GTF2IRD2B: variants seen among roughly 807,000 people sequenced by gnomAD.
GTF2IRD2B encodes general transcription factor II-I repeat domain-containing protein 2B.
Under a neutral mutation model 55.6 loss-of-function variants are expected in GTF2IRD2B, and 10 were observed. The observed-to-expected ratio is 0.18, with a 90% CI of 0.11 to 0.31. GTF2IRD2B has a LOEUF of 0.31. GTF2IRD2B is among the 10% of genes least tolerant of loss of function. The probability of loss-of-function intolerance (pLI) is 1.00; values close to 1 mark genes in which losing one functional copy is unlikely to be tolerated. For synonymous variants in GTF2IRD2B, 107 were observed against 320.5 expected (o/e 0.33, Z 7.12); for missense variants, 206 against 802.7 (o/e 0.26, Z 8.98).
At chr7:75,092,813 G>T (rs1807289398) in intron 1 of GTF2IRD2B, 48 bp downstream of exon 1, 1 of 153,440 alleles carries the variant, frequency 6.5e-6, no homozygotes, top group African/African-American at 2.4e-5. Context: ...CGCCATTAAG[G>T]GCGGGTTGCC....
At chr7:75,112,563 T>C (rs1171265727) in intron 3 of GTF2IRD2B, 28 bp downstream of exon 3, 1 of 985,996 alleles carries the variant, frequency 1.0e-6, no homozygotes, top group Non-Finnish European at 1.5e-6. Context: ...ATCCTTTGTA[T>C]TCCCAATCTC....
At chr7:75,112,715 T>G in intron 3 of GTF2IRD2B, 180 bp downstream of exon 3, 1 of 1,480,384 alleles carries the variant, frequency 6.8e-7, no homozygotes, top group Non-Finnish European at 9.2e-7. Context: ...AGACAAATGG[T>G]CATTTTATTT....
chr7:75,093,180 CT>C (rs1285684449), intron 1 of GTF2IRD2B, among the ~76,000 whole-genome samples: 6 of 150,898 alleles, frequency 4.0e-5, no homozygotes, highest in African/African-American at 1.5e-4. Flanking sequence ...GATCCGCCCC[CT>C]GACGTCACGC....
rs1563102494 is a variant in GTF2IRD2B at position 75,148,811 on chromosome 7, A to G, written c.2364A>G (p.Leu788=). The change falls in exon 16 of 16, where the codon CTA becomes CTG. Residue 788 remains leucine, a synonymous_variant. Coordinates refer to ENST00000472837, the MANE Select transcript of GTF2IRD2B (RefSeq NM_001003795.3). ...TQMYDLIRAF[L]AKLCLWETHL... ...TGTATGACCTGATCCGGGCGTTCCT[A>G]GCAAAACTGTGCCTCTGGGAGACTC... The G allele has an allele frequency of 6.3e-7, 1 of 1,584,340 alleles. No individual in the cohort carries two copies. Among genetic ancestry groups the G allele is most frequent in the Non-Finnish European group, 8.7e-7 (1 of 1,153,172 alleles).
rs1554532749 is a variant in GTF2IRD2B at position 75,148,334 on chromosome 7, C to G, written c.1887C>G (p.Asn629Lys). The change falls in exon 16 of 16, where the codon AAC becomes AAG. Residue 629 changes from asparagine (N) to lysine (K), a missense_variant. By Grantham distance (94) the Asn-to-Lys change is moderately conservative (BLOSUM62 0). Transcript: ENST00000472837. ...CCCCAGCGATGGTGGATGCCAATAA[C>G]GGGCTTGTCACAAAACTGAAGTCCA... ...TGTPAMVDANNGLVTKLKSRV... is the reference protein window; with the variant it reads ...TGTPAMVDANKGLVTKLKSRV... The G allele has an allele frequency of 2.0e-5, 32 of 1,613,434 alleles. 1 individual carries two copies. The Admixed American group carries it at 3.5e-4, about 18-fold the overall frequency.
At position 75,149,278 on chromosome 7, in the gene GTF2IRD2B, T is replaced by A; in HGVS notation, c.2831T>A (p.Val944Glu). 1.3e-6 allele frequency: 1 copy of A among 758,050 alleles called. No individual in the cohort carries two copies. Among genetic ancestry groups the A allele is most frequent in the Non-Finnish European group, 2.4e-6 (1 of 410,484 alleles). The allele number at this position is 758,050 out of a possible 1,614,324, so 47.0% of individuals were successfully genotyped here. ...SQLKDSQWDS[V>E]LHIAT The stretch of plus-strand genomic sequence containing the variant: ...TTAAAGGATTCCCAGTGGGATTCTG[T>A]ACTCCACATCGCAACGTGATGGAGA... Residue 944 changes from valine to glutamate, a missense_variant, in exon 16 of 16, where the codon GTA becomes GAA. Val to Glu is a moderately radical substitution (Grantham distance 121). Coordinates refer to ENST00000472837, the MANE Select transcript of GTF2IRD2B (RefSeq NM_001003795.3).
Position 75,139,752 on chromosome 7 carries a change from C to T in GTF2IRD2B, c.949+725C>T, listed in dbSNP as rs1554534100. ...AGTTCCTCCAGGGAAGGAAACTGAC[C>T]GCTGAGATAGGGATAGGAGAGAGAC... is the stretch of plus-strand genomic sequence containing the variant. On this transcript the variant is annotated intron_variant, in intron 12 of 15. Coordinates refer to ENST00000472837, the MANE Select transcript of GTF2IRD2B (RefSeq NM_001003795.3). 1.5e-3 allele frequency among the ~76,000 whole-genome samples: 130 copies of T among 87,064 alleles called. 1 individual carries two copies. The East Asian group carries it at 0.019, about 13-fold the overall frequency. The allele number at this position is 87,064 out of a possible 152,430, so 57.1% of individuals were successfully genotyped here.
chr7:75,113,575 G>A (rs1255042303), intron 3 of GTF2IRD2B, among the ~76,000 whole-genome samples: 1 of 143,010 alleles, frequency 7.0e-6, no homozygotes, highest in Admixed American at 7.2e-5. Context: ...AGGCTGCAGT[G>A]AGCCGTGATC....
At chr7:75,117,741 A>G (rs1808213251) in intron 3 of GTF2IRD2B, among the ~76,000 whole-genome samples, 1 of 152,296 alleles carries the variant, frequency 6.6e-6, no homozygotes. Flanking sequence ...ATACATATAT[A>G]TATACATTTT....
intron 1 of GTF2IRD2B, among the ~76,000 whole-genome samples, chr7:75,103,559 C>T (rs376385762): frequency 0.1 from 11,172 of 108,946 alleles, 508 homozygotes; most frequent in Middle Eastern, 0.23. Flanking sequence ...CATGAATAGT[C>T]TCAACTAAGG....
chr7:75,115,458 C>G (rs1278465505), intron 3 of GTF2IRD2B, among the ~76,000 whole-genome samples: 1 of 147,744 alleles, frequency 6.8e-6, no homozygotes. Flanking sequence ...GAATCTCGCT[C>G]TATCGCCCAG....
intron 1 of GTF2IRD2B, among the ~76,000 whole-genome samples, chr7:75,104,277 C>T (rs1554421520): frequency 3.6e-4 from 55 of 151,660 alleles, no homozygotes; most frequent in Admixed American, 1.8e-3. Context: ...TGTCTGCCAC[C>T]ATGCCCAGCT....
chr7:75,148,385 G>A lies in GTF2IRD2B; in HGVS notation c.1938G>A (p.Ala646=), dbSNP rs1405722372. The change falls in exon 16 of 16, where the codon GCG becomes GCA. Residue 646 remains alanine (A), a synonymous_variant. Coordinates refer to ENST00000472837, the MANE Select transcript of GTF2IRD2B (RefSeq NM_001003795.3). ...GGGTGGCGACGTTCTGCAAGGGTGC[G>A]GAACTGAAGTCCATCTGTTGTATAA... is the stretch of plus-strand genomic sequence containing the variant. ...KSRVATFCKG[A]ELKSICCIIH... 6.2e-6 allele frequency: 10 copies of A among 1,611,084 alleles called. No individual in the cohort carries two copies. The highest frequency in any genetic ancestry group is 3.3e-5 in the Admixed American group (2 of 59,720).
intron 8 of GTF2IRD2B, among the ~76,000 whole-genome samples, chr7:75,132,348 G>C: frequency 2.0e-5 from 1 of 50,388 alleles, no homozygotes. Flanking sequence ...AACAGAGTGA[G>C]ACTCTGTCTC....
At chr7:75,132,314 A>C in intron 8 of GTF2IRD2B, among the ~76,000 whole-genome samples, 1 of 121,526 alleles carries the variant, frequency 8.2e-6, no homozygotes, top group Non-Finnish European at 1.6e-5. Flanking sequence ...AGCCGAGATC[A>C]TGCCACTGCA....
At chr7:75,115,096 C>CTTTT (rs60983909) in intron 3 of GTF2IRD2B, among the ~76,000 whole-genome samples, 2 of 43,408 alleles carry the variant, frequency 4.6e-5, no homozygotes, top group Non-Finnish European at 8.2e-5. Flanking sequence ...TCGTGCCCAG[C>CTTTT]TTTTTTTTTT....
chr7:75,106,526 GTTCCATTTC>G, intron 1 of GTF2IRD2B, among the ~76,000 whole-genome samples: 1 of 135,252 alleles, frequency 7.4e-6, no homozygotes, highest in East Asian at 2.0e-4. Flanking sequence ...TAATTTGCAT[GTTCCATTTC>G]AAAAAGTTGT....
chr7:75,137,144 A>C (rs1196296602), intron 11 of GTF2IRD2B, among the ~76,000 whole-genome samples: 1 of 151,026 alleles, frequency 6.6e-6, no homozygotes, highest in Non-Finnish European at 1.5e-5. Context: ...CGGAGGTTGC[A>C]GTGAGCTGAG....
At chr7:75,127,018 C>CAAAAAAAAAAA (rs1159282499) in intron 8 of GTF2IRD2B, among the ~76,000 whole-genome samples, 4 of 74,990 alleles carry the variant, frequency 5.3e-5, no homozygotes, top group Non-Finnish European at 9.4e-5. Context: ...AAAACAAAAA[C>CAAAAAAAAAAA]AAAAACAAAA....
Sources: allele counts gnomAD v4.1 joint callset (sites outside exome capture counted in the v4.1 genomes callset), GRCh38; gene constraint gnomAD v4.1.1; transcripts MANE v1.5; gene names NCBI Gene and HGNC (gene_info 2026-07-23, HGNC 2026-07-21).